CNTNAP3B: variants seen among roughly 807,000 people sequenced by gnomAD.
The protein encoded by CNTNAP3B is contactin-associated protein-like 3B.
CNTNAP3B carries 25 observed loss-of-function variants against 108.9 expected under a neutral mutation model. That is an observed-to-expected ratio of 0.23 (90% CI 0.17 to 0.32). CNTNAP3B has a LOEUF of 0.32. CNTNAP3B is among the 10% of genes least tolerant of loss of function. CNTNAP3B has a pLI of 1.00. For synonymous variants in CNTNAP3B, 103 were observed against 473.4 expected (o/e 0.22, Z 10.16); for missense variants, 252 against 1,210.4 (o/e 0.21, Z 11.75).
intron 11 of CNTNAP3B, among the ~76,000 whole-genome samples, chr9:41,962,275 G>T (rs1448386101): frequency 2.6e-5 from 4 of 152,266 alleles, no homozygotes; most frequent in African/African-American, 9.6e-5. Context: ...TGGCAGTCTA[G>T]TCTCACAGTG....
chr9:41,916,028 A>G (rs1468608413), intron 18 of CNTNAP3B, among the ~76,000 whole-genome samples: 2 of 151,528 alleles, frequency 1.3e-5, no homozygotes, highest in Non-Finnish European at 2.9e-5. Flanking sequence ...AACTATTTTT[A>G]TGCATACCAA....
Position 42,096,158 on chromosome 9 carries a change from C to T in CNTNAP3B, c.196+8471G>A, listed in dbSNP as rs1435959321. Among the ~76,000 whole-genome samples, 3 of 139,770 alleles carry T rather than the reference C, an allele frequency of 2.1e-5. 1 individual carries two copies. Among genetic ancestry groups the T allele is most frequent in the African/African-American group, 5.7e-5 (2 of 35,256 alleles). The allele number at this position is 139,770 out of a possible 152,430, so 91.7% of individuals were successfully genotyped here. On this transcript the variant is annotated intron_variant, in intron 2 of 23. Coordinates refer to ENST00000377561, the MANE Select transcript of CNTNAP3B (RefSeq NM_001201380.3). The stretch of plus-strand genomic sequence containing the variant: ...GCCGCAGCACAATGAGGATGCTGTG[C>T]AGGCTGCTCTTGGAGACTGGCGTTC...
intron 13 of CNTNAP3B, among the ~76,000 whole-genome samples, chr9:41,941,509 C>T (rs1429123027): frequency 2.7e-5 from 4 of 150,402 alleles, no homozygotes; most frequent in South Asian, 2.1e-4. Context: ...AGAAACAATA[C>T]ACCCTTAAAA....
intron 6 of CNTNAP3B, 107 bp downstream of exon 6, chr9:41,997,461 A>C (rs1396623710): frequency 7.2e-7 from 1 of 1,381,002 alleles, no homozygotes; most frequent in African/African-American, 1.5e-5. Flanking sequence ...AGACATACCT[A>C]TTACTATTAG....
intron 12 of CNTNAP3B, among the ~76,000 whole-genome samples, chr9:41,959,520 G>T (rs1308430379): frequency 2.6e-5 from 4 of 152,300 alleles, no homozygotes; most frequent in Non-Finnish European, 4.4e-5. Flanking sequence ...GTCCTTCCTG[G>T]TTGTGACTTT....
Position 42,098,100 on chromosome 9 carries a change from A to G in CNTNAP3B, c.196+6529T>C, listed in dbSNP as rs1159697017. On this transcript the variant is annotated intron_variant, in intron 2 of 23. Transcript: ENST00000377561. ...CATACATATTATTTTGTATTCATATACTGTGATCTTCATGGAGTAAGGTGC... is the reference window on the plus strand; with the variant it reads ...CATACATATTATTTTGTATTCATATGCTGTGATCTTCATGGAGTAAGGTGC... 1.4e-4 allele frequency among the ~76,000 whole-genome samples: 19 copies of G among 139,756 alleles called. 3 individuals carry two copies. Among genetic ancestry groups the G allele is most frequent in the Non-Finnish European group, 3.1e-5 (2 of 65,088 alleles). 91.7% of individuals were successfully genotyped at this position (139,756 alleles called of 152,430 possible).
Position 41,991,158 on chromosome 9 carries a change from G to A in CNTNAP3B, c.1333+452C>T, listed in dbSNP as rs1247786687. On this transcript the variant is annotated intron_variant, in intron 8 of 23. Coordinates refer to ENST00000377561, the MANE Select transcript of CNTNAP3B (RefSeq NM_001201380.3). ...AGAATAAGAACTCTTGGTATTTGCC[G>A]GGCATCTTTCCCTGTAAAGTGATAG... is the stretch of plus-strand genomic sequence containing the variant. 3.5e-5 allele frequency among the ~76,000 whole-genome samples: 4 copies of A among 115,648 alleles called. 1 individual carries two copies. The highest frequency in any genetic ancestry group is 1.4e-4 in the African/African-American group (4 of 28,762). The allele number at this position is 115,648 out of a possible 152,430, so 75.9% of individuals were successfully genotyped here. A position where few individuals can be genotyped will look rare whatever the true frequency, so the allele number is the denominator to read the frequency against.
intron 14 of CNTNAP3B, among the ~76,000 whole-genome samples, chr9:41,932,670 C>T (rs1824015852): frequency 6.6e-6 from 1 of 152,166 alleles, no homozygotes; most frequent in Non-Finnish European, 1.5e-5. Context: ...CATGCGTGCG[C>T]CACTACGCTC....
intron 13 of CNTNAP3B, among the ~76,000 whole-genome samples, chr9:41,939,435 A>C (rs558610215): frequency 1.3e-5 from 2 of 152,292 alleles, no homozygotes; most frequent in Admixed American, 1.3e-4. Flanking sequence ...ATTATAACTC[A>C]TTCATAGATA....
rs562461053 is a variant in CNTNAP3B, at chr9:42,079,478, T to C, written c.197-2416A>G. Among the ~76,000 whole-genome samples the C allele has an allele frequency of 5.2e-3, 626 of 121,164 alleles. 32 individuals carry two copies. The highest frequency in any genetic ancestry group is 6.9e-3 in the Non-Finnish European group (405 of 58,762). 79.5% of individuals were successfully genotyped at this position (121,164 alleles called of 152,430 possible). A position where few individuals can be genotyped will look rare whatever the true frequency, so the allele number is the denominator to read the frequency against. On this transcript the variant is annotated intron_variant, in intron 2 of 23. Transcript: ENST00000377561. The stretch of plus-strand genomic sequence containing the variant: ...ACTACTGAAACTGTGTATCCTTTTC[T>C]GTTTTTCTTATTACTATTTTAAGGG...
chr9:41,966,831 G>T (rs1321061125), intron 10 of CNTNAP3B, among the ~76,000 whole-genome samples: 2 of 150,798 alleles, frequency 1.3e-5, no homozygotes, highest in African/African-American at 4.9e-5. Context: ...GCCAGGTGTG[G>T]TGGCGGGCGC....
At chr9:42,114,869 C>T (rs184263098) in intron 1 of CNTNAP3B, among the ~76,000 whole-genome samples, 1,614 of 135,570 alleles carry the variant, frequency 0.012, 253 homozygotes, top group Non-Finnish European at 0.019. Context: ...GCCTGGCCAA[C>T]ATGGTGAAAC....
intron 10 of CNTNAP3B, among the ~76,000 whole-genome samples, chr9:41,966,417 A>T (rs1416180443): frequency 1.3e-5 from 2 of 152,284 alleles, no homozygotes; most frequent in African/African-American, 4.8e-5. Flanking sequence ...ATTGTGAAAA[A>T]TTTACATGTA....
At chr9:42,077,107 T>G (rs1827508857) in intron 2 of CNTNAP3B, 45 bp from the exon 3 acceptor site, 3 of 1,504,354 alleles carry the variant, frequency 2.0e-6, no homozygotes, top group Non-Finnish European at 2.7e-6. Context: ...AGGAGGAAGT[T>G]ATTTAACATA....
At position 42,038,547 on chromosome 9, in the gene CNTNAP3B, C is replaced by A. The variant is rs181750502; in HGVS notation, c.391-25022G>T. 3.7e-3 allele frequency among the ~76,000 whole-genome samples: 455 copies of A among 122,098 alleles called. 91 individuals carry two copies. Among genetic ancestry groups the A allele is most frequent in the African/African-American group, 0.014 (431 of 30,386 alleles). 80.1% of individuals were successfully genotyped at this position (122,098 alleles called of 152,430 possible). ...AGAGACAAAGAAGGCCATTACATAA[C>A]GGTAAAGGGACCAATTCAACAAGAA... On this transcript the variant is annotated intron_variant, in intron 3 of 23. Transcript: ENST00000377561.
chr9:41,917,115 AT>A (rs1286495521), intron 18 of CNTNAP3B, among the ~76,000 whole-genome samples: 4 of 152,260 alleles, frequency 2.6e-5, no homozygotes, highest in African/African-American at 9.6e-5. Context: ...TTTTTCAAAT[AT>A]TTTTTTCTGA....
chr9:41,945,459 C>T (rs986581100), intron 13 of CNTNAP3B, among the ~76,000 whole-genome samples: 3 of 152,304 alleles, frequency 2.0e-5, no homozygotes, highest in Non-Finnish European at 2.9e-5. Flanking sequence ...AGTTCATGTC[C>T]TTTGTAGGGC....
rs1162905932 is a variant in CNTNAP3B at position 42,113,815 on chromosome 9, C to T, written c.86-9076G>A. ...GAGTGTAATTGGATTGTTTGCAACT[C>T]GAAGGATAATTGCTTGAGGGGATGG... is the stretch of plus-strand genomic sequence containing the variant. On this transcript the variant is annotated intron_variant, in intron 1 of 23. Coordinates refer to ENST00000377561, the MANE Select transcript of CNTNAP3B (RefSeq NM_001201380.3). 7.2e-5 allele frequency among the ~76,000 whole-genome samples: 10 copies of T among 138,844 alleles called. 1 individual carries two copies. The highest frequency in any genetic ancestry group is 4.6e-4 in the South Asian group (2 of 4,306). The allele number at this position is 138,844 out of a possible 152,430, so 91.1% of individuals were successfully genotyped here.
chr9:41,952,009 G>T (rs1373923967), intron 13 of CNTNAP3B, among the ~76,000 whole-genome samples: 1 of 152,258 alleles, frequency 6.6e-6, no homozygotes, highest in Non-Finnish European at 1.5e-5. Flanking sequence ...TCCGGGAGGG[G>T]AGCGGGTTGC....
Sources: allele counts gnomAD v4.1 joint callset (sites outside exome capture counted in the v4.1 genomes callset), GRCh38; gene constraint gnomAD v4.1.1; transcripts MANE v1.5; gene names NCBI Gene and HGNC (gene_info 2026-07-23, HGNC 2026-07-21).